Variants in BMP6 observed in about 807,000 individuals in gnomAD.
The protein encoded by BMP6 is bone morphogenetic protein 6.
In BMP6, 17 loss-of-function variants were observed where a neutral mutation model predicts 54.1. That is an observed-to-expected ratio of 0.31 (90% CI 0.22 to 0.47). BMP6 has a LOEUF of 0.47. BMP6 is among the 20% of genes least tolerant of loss of function. BMP6 has a pLI of 1.00. For synonymous variants in BMP6, 328 were observed against 291.2 expected, an observed-to-expected ratio of 1.13 and a Z score of -1.28; for missense variants, 720 against 690.4, an observed-to-expected ratio of 1.04 and a Z score of -0.48.
At chr6:7,808,193 T>G (rs940500971) in intron 1 of BMP6, among the ~76,000 whole-genome samples, 16 of 152,088 alleles carry the variant, frequency 1.1e-4, no homozygotes, top group Non-Finnish European at 2.2e-4. Flanking sequence ...GTGCTGGGAT[T>G]ACAGGCGTGA....
chr6:7,727,421 G>T lies in BMP6; in HGVS notation c.466G>T (p.Glu156Ter). 1 of 1,607,050 alleles carries T rather than the reference G, an allele frequency of 6.2e-7. No individual in the cohort carries two copies. ...CGACGAGGACGGGGCGTCGGAGGGG[G>T]AGAGGCAGCAGTCCTGGCCCCACGA... ...DNDEDGASEG[E>*]RQQSWPHEAA... The change falls in exon 1 of 7, where the codon GAG becomes TAG. Residue 156 changes from glutamate to a stop codon, truncating the protein, a stop_gained. Coordinates refer to ENST00000283147, the MANE Select transcript of BMP6 (RefSeq NM_001718.6). LOFTEE classifies it high-confidence loss of function.
In BMP6 at chr6:7,880,410, A is replaced by G; in HGVS notation, c.*67A>G. 1 of 1,590,504 alleles carries G rather than the reference A, an allele frequency of 6.3e-7. No individual in the cohort carries two copies. Among genetic ancestry groups the G allele is most frequent in the Non-Finnish European group, 8.6e-7 (1 of 1,162,152 alleles). On this transcript the variant is annotated 3_prime_UTR_variant, in exon 7 of 7. Coordinates refer to ENST00000283147, the MANE Select transcript of BMP6 (RefSeq NM_001718.6). ...CCTAGATTACATCTGCCTTAAAAAAACACGGAAGCACAGTTGGAGGTGGGA... is the reference window on the plus strand; with the variant it reads ...CCTAGATTACATCTGCCTTAAAAAAGCACGGAAGCACAGTTGGAGGTGGGA...
intron 2 of BMP6, among the ~76,000 whole-genome samples, chr6:7,857,156 A>G (rs1759254628): frequency 6.6e-6 from 1 of 152,208 alleles, no homozygotes; most frequent in African/African-American, 2.4e-5. Context: ...AGGGATATGC[A>G]GGGATAAATC....
In BMP6 at chr6:7,779,509, T is replaced by C. The variant is rs143903969; in HGVS notation, c.664+51890T>C. Among the ~76,000 whole-genome samples the C allele has an allele frequency of 6.1e-3, 925 of 152,086 alleles. 7 individuals are homozygous for C. Among genetic ancestry groups the C allele is most frequent in the African/African-American group, 0.022 (894 of 41,476 alleles). On this transcript the variant is annotated intron_variant, in intron 1 of 6. Coordinates refer to ENST00000283147, the MANE Select transcript of BMP6 (RefSeq NM_001718.6). ...GCCCACCACCACGCCCAGGCTAATTTTTATATATTTGGTAGAGACGGGGTT... is the reference window on the plus strand; with the variant it reads ...GCCCACCACCACGCCCAGGCTAATTCTTATATATTTGGTAGAGACGGGGTT...
At position 7,727,070 on chromosome 6, in the gene BMP6, G is replaced by T; in HGVS notation, c.115G>T (p.Ala39Ser). 1 of 1,230,328 alleles carries T rather than the reference G, an allele frequency of 8.1e-7. No homozygotes were observed. The highest frequency in any genetic ancestry group is 1.0e-6 in the Non-Finnish European group (1 of 985,982). The allele number at this position is 1,230,328 out of a possible 1,614,324, so 76.2% of individuals were successfully genotyped here. A position where few individuals can be genotyped will look rare whatever the true frequency, so the allele number is the denominator to read the frequency against. Reference sequence around the variant, plus strand: ...CTTGCCCGCTGCCGCGGCCGCCGCCGCCGGGGGGCAGCTGCTGGGGGACGG... The same window carrying T: ...CTTGCCCGCTGCCGCGGCCGCCGCCTCCGGGGGGCAGCTGCTGGGGGACGG... ...PPLPAAAAAA[A>S]GGQLLGDGGS... is the part of the protein sequence containing the mutation. The change falls in exon 1 of 7, where the codon GCC becomes TCC. Residue 39 changes from alanine to serine, a missense_variant. Around this residue, in one of 3 missense-constraint regions of BMP6, gnomAD observed 650 missense variants for 556.3 expected, o/e 1.17. Transcript: ENST00000283147.
intron 1 of BMP6, among the ~76,000 whole-genome samples, chr6:7,823,081 C>G (rs550537471): frequency 6.6e-6 from 1 of 152,292 alleles, no homozygotes; most frequent in Non-Finnish European, 1.5e-5. Flanking sequence ...GTTATATTCT[C>G]CCAGATCCCT....
At chr6:7,752,185 G>C (rs1052514199) in intron 1 of BMP6, among the ~76,000 whole-genome samples, 12 of 152,196 alleles carry the variant, frequency 7.9e-5, no homozygotes, top group African/African-American at 2.9e-4. Context: ...CTTTGTCTCA[G>C]CTACTCAACT....
chr6:7,807,570 C>T (rs541262729), intron 1 of BMP6, among the ~76,000 whole-genome samples: 9 of 152,276 alleles, frequency 5.9e-5, no homozygotes, highest in East Asian at 5.8e-4. Flanking sequence ...TGAGCCCACG[C>T]GCCCGGCCGG....
rs1561799213 is a variant in BMP6, at chr6:7,875,915, C to CA, written c.1205-3159_1205-3158insA. ...ATGTGGTCATCACCCTAGACACTGG[C>CA]TGCCGTACTACCCATTCTTGATGTC... is the stretch of plus-strand genomic sequence containing the variant. On this transcript the variant is annotated intron_variant, in intron 4 of 6. Coordinates refer to ENST00000283147, the MANE Select transcript of BMP6 (RefSeq NM_001718.6). 3.9e-5 allele frequency among the ~76,000 whole-genome samples: 6 copies of CA among 152,322 alleles called. No individual in the cohort carries two copies. The South Asian group carries it at 1.2e-3, about 32-fold the overall frequency.
At chr6:7,879,960 T>G in intron 5 of BMP6, 31 bp from the exon 6 acceptor site, 1 of 1,595,324 alleles carries the variant, frequency 6.3e-7, no homozygotes, top group Non-Finnish European at 8.6e-7. Context: ...TGCATGCTCA[T>G]CTTTTGTTGC....
chr6:7,735,012 G>A (rs948658627), intron 1 of BMP6, among the ~76,000 whole-genome samples: 1 of 152,232 alleles, frequency 6.6e-6, no homozygotes, highest in Non-Finnish European at 1.5e-5. Flanking sequence ...GCCACACAGT[G>A]CCGATTATAT....
rs545617403 is a variant in BMP6, at chr6:7,726,438, G to C, written c.-518G>C. Among the ~76,000 whole-genome samples the C allele has an allele frequency of 2.0e-5, 3 of 152,284 alleles. No homozygotes were observed. In the South Asian group the frequency reaches 6.2e-4, roughly 32 times the overall value. ...GCCGCAGCCTGGGCCCTGCAACGGG[G>C]TAAACTTCATGGTGGCCCTGCGATC... is the stretch of plus-strand genomic sequence containing the variant. On this transcript the variant is annotated 5_prime_UTR_variant, in exon 1 of 7. Coordinates refer to ENST00000283147, the MANE Select transcript of BMP6 (RefSeq NM_001718.6).
intron 4 of BMP6, among the ~76,000 whole-genome samples, chr6:7,866,973 C>T (rs192095923): frequency 9.9e-5 from 15 of 152,280 alleles, no homozygotes; most frequent in East Asian, 3.9e-4. Flanking sequence ...CGGGTTCAAG[C>T]GATTCTCCTG....
At chr6:7,797,978 C>G (rs1284207337) in intron 1 of BMP6, among the ~76,000 whole-genome samples, 2 of 152,292 alleles carry the variant, frequency 1.3e-5, no homozygotes, top group East Asian at 3.9e-4. Flanking sequence ...TGTCCTTCCC[C>G]TAAGATAGGG....
rs1759722428 is a variant in BMP6, at chr6:7,881,338, A to G, written c.*995A>G. ...TGAGGCTCAGATTAAATTTTAGAATATTTTCTAAATGTCTTTTTCACAATC... is the reference window on the plus strand; with the variant it reads ...TGAGGCTCAGATTAAATTTTAGAATGTTTTCTAAATGTCTTTTTCACAATC... On this transcript the variant is annotated 3_prime_UTR_variant, in exon 7 of 7. Transcript: ENST00000283147. 1 of 152,596 alleles carries G rather than the reference A, an allele frequency of 6.6e-6. No homozygotes were observed. The highest frequency in any genetic ancestry group is 1.5e-5 in the Non-Finnish European group (1 of 68,042). The allele number at this position is 152,596 out of a possible 1,614,324, so 9.5% of individuals were successfully genotyped here.
intron 1 of BMP6, among the ~76,000 whole-genome samples, chr6:7,785,908 A>C (rs1758013045): frequency 6.6e-6 from 1 of 152,054 alleles, no homozygotes; most frequent in African/African-American, 2.4e-5. Flanking sequence ...AAATAAATTG[A>C]GCTACTTAGA....
chr6:7,759,719 TTG>T (rs1491040412), intron 1 of BMP6, among the ~76,000 whole-genome samples: 1 of 144,590 alleles, frequency 6.9e-6, no homozygotes, highest in African/African-American at 2.6e-5. Context: ...TTTTTTTTTT[TTG>T]GAGACTGAAT....
At chr6:7,789,916 T>A (rs1174023649) in intron 1 of BMP6, among the ~76,000 whole-genome samples, 3 of 152,266 alleles carry the variant, frequency 2.0e-5, no homozygotes, top group Admixed American at 6.5e-5. Flanking sequence ...GATTTTTTTT[T>A]AAATAAAATC....
At chr6:7,875,220 A>G (rs535349809) in intron 4 of BMP6, among the ~76,000 whole-genome samples, 74 of 152,316 alleles carry the variant, frequency 4.9e-4, no homozygotes, top group Non-Finnish European at 7.1e-4. Flanking sequence ...ACCCAGCTCG[A>G]TAAAAGAGAA....
Sources: gnomAD v4.1 joint callset for allele counts (sites outside exome capture counted in the v4.1 genomes callset) on GRCh38, gnomAD v4.1.1 for gene constraint, gnomAD v4.1.1 regional missense constraint, MANE v1.5 for transcripts, NCBI Gene and HGNC (gene_info 2026-07-23, HGNC 2026-07-21) for gene names.